SNTG2: variants seen among roughly 807,000 people sequenced by gnomAD.
SNTG2 encodes the protein syntrophin gamma 2, also known as gamma-2-syntrophin.
SNTG2 carries 74 observed loss-of-function variants against 70.9 expected under a neutral mutation model. The observed-to-expected ratio is 1.04, with a 90% confidence interval of 0.86 to 1.27. The LOEUF (loss-of-function observed/expected upper bound fraction) is 1.27. Among genes scored for constraint, SNTG2 ranks in the 50% most tolerant of loss-of-function variants. The pLI is 0.00. For synonymous variants in SNTG2, 278 were observed against 273.8 expected, an observed-to-expected ratio of 1.02 and a Z score of -0.15; for missense variants, 717 against 690.7, an observed-to-expected ratio of 1.04 and a Z score of -0.43.
chr2:1,069,332 T>C (rs1425013000), intron 1 of SNTG2, among the ~76,000 whole-genome samples: 2 of 137,418 alleles, frequency 1.5e-5, no homozygotes, highest in Non-Finnish European at 3.2e-5. Context: ...AAAATTCTTA[T>C]ATAAATGAAA....
chr2:1,314,432 G>A (rs987058544), intron 15 of SNTG2, among the ~76,000 whole-genome samples: 1 of 152,240 alleles, frequency 6.6e-6, no homozygotes, highest in African/African-American at 2.4e-5. Context: ...CTTTGGCGCT[G>A]CCTAGGCAAG....
intron 16 of SNTG2, among the ~76,000 whole-genome samples, chr2:1,331,281 A>C (rs1279421606): frequency 6.6e-6 from 1 of 152,222 alleles, no homozygotes; most frequent in Non-Finnish European, 1.5e-5. Flanking sequence ...ATGAAATGAC[A>C]GGTCCTAATT....
In SNTG2 at chr2:1,014,367, A is replaced by G. The variant is rs56055630; in HGVS notation, c.72+63299A>G. ...GTGGTCTGGAGAGGGATTTATAAGG[A>G]CAGAGAGAAGGGTGGTCTGGAAAGT... On this transcript the variant is annotated intron_variant, in intron 1 of 16. Transcript: ENST00000308624. Among the ~76,000 whole-genome samples the G allele has an allele frequency of 2.2e-3, 111 of 50,666 alleles. 2 individuals are homozygous for G. Among genetic ancestry groups the G allele is most frequent in the African/African-American group, 4.8e-3 (69 of 14,390 alleles). 33.2% of individuals were successfully genotyped at this position (50,666 alleles called of 152,430 possible). A position where few individuals can be genotyped will look rare whatever the true frequency, so the allele number is the denominator to read the frequency against.
At chr2:1,230,314 C>T (rs1676127293) in intron 9 of SNTG2, among the ~76,000 whole-genome samples, 1 of 152,180 alleles carries the variant, frequency 6.6e-6, no homozygotes, top group Non-Finnish European at 1.5e-5. Flanking sequence ...GCGCGGGCAG[C>T]CAGGATCAGA....
chr2:1,004,052 A>G (rs779939849), intron 1 of SNTG2, among the ~76,000 whole-genome samples: 7 of 152,220 alleles, frequency 4.6e-5, no homozygotes, highest in African/African-American at 1.7e-4. Context: ...TGATAAAAGG[A>G]GAATTTGCCA....
chr2:1,077,137 C>G (rs1363633735), intron 1 of SNTG2, among the ~76,000 whole-genome samples: 1 of 152,122 alleles, frequency 6.6e-6, no homozygotes, highest in East Asian at 1.9e-4. Context: ...GAAATGAACA[C>G]CTTGCCCGCC....
chr2:1,256,983 A>G (rs1418742921), intron 12 of SNTG2, among the ~76,000 whole-genome samples: 2 of 151,352 alleles, frequency 1.3e-5, no homozygotes, highest in African/African-American at 4.9e-5. Context: ...TTTAATTAAT[A>G]CACTTGTTTT....
At chr2:1,358,224 G>T (rs1297985942) in intron 16 of SNTG2, among the ~76,000 whole-genome samples, 1 of 152,036 alleles carries the variant, frequency 6.6e-6, no homozygotes, top group Non-Finnish European at 1.5e-5. Context: ...TGTAGTTTAG[G>T]ACATCAGCAT....
At chr2:1,275,053 G>C (rs746023254) in intron 14 of SNTG2, among the ~76,000 whole-genome samples, 1 of 152,154 alleles carries the variant, frequency 6.6e-6, no homozygotes, top group African/African-American at 2.4e-5. Flanking sequence ...CTGGCTTTAC[G>C]ACAGCCTATC....
chr2:1,149,597 C>A (rs1669329915), intron 6 of SNTG2, among the ~76,000 whole-genome samples: 1 of 151,966 alleles, frequency 6.6e-6, no homozygotes, highest in Non-Finnish European at 1.5e-5. Context: ...AAAAATCTAT[C>A]CACCATGTCT....
chr2:1,031,322 G>A (rs1660800938), intron 1 of SNTG2, among the ~76,000 whole-genome samples: 1 of 151,418 alleles, frequency 6.6e-6, no homozygotes, highest in Non-Finnish European at 1.5e-5. Flanking sequence ...TTCTGTTCAT[G>A]CTCCCATTTC....
rs559511742 is a variant in SNTG2 at position 969,170 on chromosome 2, G to T, written c.72+18102G>T. On this transcript the variant is annotated intron_variant, in intron 1 of 16. Coordinates refer to ENST00000308624, the MANE Select transcript of SNTG2 (RefSeq NM_018968.4). Reference sequence around the variant, plus strand: ...ATGTTGCCTTTGTCAAAGATTAGATGATTTCAGGTGTGTGGCTTTATTTCT... The same window carrying T: ...ATGTTGCCTTTGTCAAAGATTAGATTATTTCAGGTGTGTGGCTTTATTTCT... Among the ~76,000 whole-genome samples, 3 of 152,274 alleles carry T rather than the reference G, an allele frequency of 2.0e-5. No homozygotes were observed. The East Asian group carries it at 5.8e-4, about 29-fold the overall frequency.
At chr2:1,222,165 T>TGTTTC (rs1675267607) in intron 9 of SNTG2, among the ~76,000 whole-genome samples, 1 of 80,188 alleles carries the variant, frequency 1.2e-5, no homozygotes, top group Non-Finnish European at 2.8e-5. Flanking sequence ...ATCTCTGTCT[T>TGTTTC]TGTCTCTCTT....
At chr2:1,308,448 C>T in intron 14 of SNTG2, 46 bp from the exon 15 acceptor site, 2 of 1,505,282 alleles carry the variant, frequency 1.3e-6, no homozygotes, top group Non-Finnish European at 1.8e-6. Context: ...TAAAGTTAAA[C>T]AGCATTATTA....
intron 9 of SNTG2, among the ~76,000 whole-genome samples, chr2:1,233,181 C>A (rs28493425): frequency 1.3e-5 from 2 of 152,136 alleles, no homozygotes; most frequent in East Asian, 1.9e-4. Context: ...GAAGCTTTGA[C>A]GAGCAATTAA....
At chr2:1,294,093 C>A (rs1368812155) in intron 14 of SNTG2, among the ~76,000 whole-genome samples, 1 of 152,216 alleles carries the variant, frequency 6.6e-6, no homozygotes, top group East Asian at 1.9e-4. Context: ...ACTCTGCATA[C>A]CCCTGCAATC....
intron 2 of SNTG2, among the ~76,000 whole-genome samples, chr2:1,096,217 A>G (rs939060435): frequency 2.6e-5 from 4 of 152,166 alleles, no homozygotes; most frequent in Non-Finnish European, 5.9e-5. Context: ...AGCTACAACT[A>G]ATAAAAATTG....
chr2:1,297,037 G>A (rs1263480294), intron 14 of SNTG2, among the ~76,000 whole-genome samples: 2 of 152,148 alleles, frequency 1.3e-5, no homozygotes, highest in African/African-American at 4.8e-5. Context: ...CTATGTGCTG[G>A]GGATGTTTCA....
chr2:953,328 G>A (rs1660038152), intron 1 of SNTG2, among the ~76,000 whole-genome samples: 1 of 152,248 alleles, frequency 6.6e-6, no homozygotes, highest in African/African-American at 2.4e-5. Flanking sequence ...GATGTTTACA[G>A]CACATTTGCT....
Sources: allele counts gnomAD v4.1 joint callset (sites outside exome capture counted in the v4.1 genomes callset), GRCh38; gene constraint gnomAD v4.1.1; transcripts MANE v1.5; gene names NCBI Gene and HGNC (gene_info 2026-07-23, HGNC 2026-07-21).